TELO2: variants seen among roughly 807,000 people sequenced by gnomAD.
The protein encoded by TELO2 is telomere maintenance 2, also known as telomere length regulation protein TEL2 homolog.
TELO2 carries 71 observed loss-of-function variants against 91.0 expected under a neutral mutation model. The observed-to-expected ratio is 0.78, with a 90% CI of 0.64 to 0.95. TELO2 has a LOEUF of 0.95. Ranked by LOEUF, TELO2 falls within the 40% of genes least tolerant of loss-of-function variation. TELO2 has a pLI of 0.00. For missense variants in TELO2, 1,183 were observed against 1,141.3 expected, an observed-to-expected ratio of 1.04 and a Z score of -0.53; for synonymous variants, 584 against 518.9, an observed-to-expected ratio of 1.13 and a Z score of -1.71.
At chr16:1,507,207 CCT>C in intron 18 of TELO2, 97 bp from the exon 19 acceptor site, 1 of 1,528,174 alleles carries the variant, frequency 6.5e-7, no homozygotes, top group Non-Finnish European at 8.9e-7. Context: ...TCAGGCAGGC[CCT>C]GTCCCTGCTG....
intron 20 of TELO2, 67 bp from the exon 21 acceptor site, chr16:1,509,763 A>AAGAC: frequency 1.4e-6 from 2 of 1,456,460 alleles, no homozygotes; most frequent in East Asian, 4.9e-5. Flanking sequence ...AGGCAGACTG[A>AAGAC]AGACAGGAGG....
chr16:1,506,907 G>GCC (rs763556360), intron 17 of TELO2, 45 bp from the exon 18 acceptor site: 7 of 1,545,684 alleles, frequency 4.5e-6, no homozygotes, highest in Non-Finnish European at 6.1e-6. Flanking sequence ...TGGGGACCTG[G>GCC]CCCTGAGGCA....
At position 1,505,552 on chromosome 16, in the gene TELO2, G is replaced by C. The variant is rs753622364; in HGVS notation, c.1985G>C (p.Arg662Pro). ...GGCAGTGCCGTGGCGTCTGACTGGC[G>C]GGTGGTGGTGGAGGAGCGGATCAGA... Reference protein sequence around the residue: ...QPGSAVASDWRVVVEERIRSK... With the variant: ...QPGSAVASDWPVVVEERIRSK... Residue 662 changes from arginine (R) to proline (P), a missense_variant, in exon 16 of 21, where the codon CGG (arginine) becomes CCG (proline). Arg to Pro is a moderately radical substitution (Grantham distance 103). Coordinates refer to ENST00000262319, the MANE Select transcript of TELO2 (RefSeq NM_016111.4). The surrounding 1 kb of genome is among the most constrained non-coding windows in gnomAD (Gnocchi z 4.3). 1.2e-6 allele frequency: 2 copies of C among 1,612,774 alleles called. No homozygotes were observed. Among genetic ancestry groups the C allele is most frequent in the Non-Finnish European group, 1.7e-6 (2 of 1,179,964 alleles).
At position 1,510,228 on chromosome 16, in the gene TELO2, G is replaced by C. The variant is rs2040090029; in HGVS notation, c.*292G>C. 4.6e-6 allele frequency: 2 copies of C among 437,380 alleles called. No individual in the cohort carries two copies. Among genetic ancestry groups the C allele is most frequent in the Non-Finnish European group, 8.5e-6 (2 of 235,798 alleles). The allele number at this position is 437,380 out of a possible 1,614,324, so 27.1% of individuals were successfully genotyped here. The stretch of plus-strand genomic sequence containing the variant: ...CTTCCAGTGAGGGCAGAACCAGGCT[G>C]GCAGGAGGGGAGGACGGTGTACCTG... On this transcript the variant is annotated 3_prime_UTR_variant, in exon 21 of 21. Transcript: ENST00000262319.
rs2039852857 is a variant in TELO2 at position 1,505,389 on chromosome 16, C to T, written c.1843-21C>T. 1 of 1,602,046 alleles carries T rather than the reference C, an allele frequency of 6.2e-7. No homozygotes were observed. The highest frequency in any genetic ancestry group is 8.5e-7 in the Non-Finnish European group (1 of 1,171,700). On this transcript the variant is annotated intron_variant, in intron 15 of 20. Coordinates refer to ENST00000262319, the MANE Select transcript of TELO2 (RefSeq NM_016111.4). The surrounding 1 kb of genome is among the most constrained non-coding windows in gnomAD (Gnocchi z 4.3). ...TCTTCCCTGGAGCAGTGGCGACGGC[C>T]CTGGGCCTGTCTCCCTCCAGGTGCT...
At chr16:1,499,027 G>C (rs1361471223) in intron 5 of TELO2, among the ~76,000 whole-genome samples, 2 of 152,300 alleles carry the variant, frequency 1.3e-5, no homozygotes, top group East Asian at 1.9e-4. Flanking sequence ...CGGTGCACGC[G>C]CTCTCTGGGT....
At chr16:1,502,525 C>T (rs1025375689) in intron 13 of TELO2, 120 bp from the exon 14 acceptor site, 53 of 1,503,886 alleles carry the variant, frequency 3.5e-5, no homozygotes, top group African/African-American at 1.8e-4. Context: ...CTGCCTCTCC[C>T]GGGGGGCCTG....
rs2039455311 is a variant in TELO2 at position 1,495,579 on chromosome 16, A to G, written c.569A>G (p.Glu190Gly). The change falls in exon 3 of 21, where the codon GAG (glutamate) becomes GGG (glycine). Residue 190 changes from glutamate to glycine, a missense_variant. By Grantham distance (98) the Glu-to-Gly change is moderately conservative. Transcript: ENST00000262319. ...FPQNYFRLLG[E>G]EVVRVLQAVV... ...CAGAACTACTTCCGCCTGCTCGGCG[A>G]GGAGGTCGTCCGGGTGCTGCAGGCG... 2 of 1,609,222 alleles carry G rather than the reference A, an allele frequency of 1.2e-6. No individual in the cohort carries two copies. Among genetic ancestry groups the G allele is most frequent in the African/African-American group, 2.7e-5 (2 of 75,004 alleles).
chr16:1,500,807 G>A (rs2039653201), intron 9 of TELO2, 108 bp downstream of exon 9: 1 of 1,489,460 alleles, frequency 6.7e-7, no homozygotes, highest in Non-Finnish European at 9.0e-7. Flanking sequence ...CAGACTTGCG[G>A]AGCGTCCGTG....
chr16:1,502,632 C>G lies in TELO2; in HGVS notation c.1654-13C>G. 6.2e-7 allele frequency: 1 copy of G among 1,609,348 alleles called. No homozygotes were observed. Among genetic ancestry groups the G allele is most frequent in the Non-Finnish European group, 8.5e-7 (1 of 1,179,448 alleles). ...GGTCCGACAGGTTTCCCAGCCCTAA[C>G]CCCTGCGTGCAGGTGAGCGTGGAGC... On this transcript the variant is annotated splice_polypyrimidine_tract_variant and intron_variant, in intron 13 of 20. Transcript: ENST00000262319.
rs1483570910 is a variant in TELO2 at position 1,510,412 on chromosome 16, G to C, written c.*476G>C. On this transcript the variant is annotated 3_prime_UTR_variant, in exon 21 of 21. Transcript: ENST00000262319. ...CTGGATGGGCTCGTGGGGCGGGATG[G>C]GACAGGGCACGGGCTCTCAGAAAAT... 3 of 225,502 alleles carry C rather than the reference G, an allele frequency of 1.3e-5. No individual in the cohort carries two copies. The highest frequency in any genetic ancestry group is 7.0e-5 in the African/African-American group (3 of 42,682). 14.0% of individuals were successfully genotyped at this position (225,502 alleles called of 1,614,324 possible).
At chr16:1,499,571 G>A (rs1415774773) in intron 6 of TELO2, among the ~76,000 whole-genome samples, 2 of 121,472 alleles carry the variant, frequency 1.6e-5, no homozygotes, top group Non-Finnish European at 3.2e-5. Flanking sequence ...GAAGCCACCC[G>A]CCCTAGCTGC....
intron 5 of TELO2, among the ~76,000 whole-genome samples, chr16:1,499,026 C>A (rs911373204): frequency 6.6e-6 from 1 of 152,182 alleles, no homozygotes; most frequent in African/African-American, 2.4e-5. Flanking sequence ...GCGGTGCACG[C>A]GCTCTCTGGG....
Position 1,507,911 on chromosome 16 carries a change from G to GT in TELO2, c.2407+195_2407+196insT, listed in dbSNP as rs1555472928. 3.1e-4 allele frequency among the ~76,000 whole-genome samples: 40 copies of GT among 130,658 alleles called. 1 individual carries two copies. The highest frequency in any genetic ancestry group is 4.0e-3 in the Middle Eastern group (1 of 252). 85.7% of individuals were successfully genotyped at this position (130,658 alleles called of 152,430 possible). On this transcript the variant is annotated intron_variant, in intron 20 of 20. Coordinates refer to ENST00000262319, the MANE Select transcript of TELO2 (RefSeq NM_016111.4). ...GTGTGTGTGATGTGTGTCGGCCCGG[G>GT]GTGTGTGTGTGTGTGTGGGTGTGTG... is the stretch of plus-strand genomic sequence containing the variant.
In TELO2 at chr16:1,500,710, C is replaced by T. The variant is rs760849490; in HGVS notation, c.1281+11C>T. 12 of 1,611,526 alleles carry T rather than the reference C, an allele frequency of 7.4e-6. No individual in the cohort carries two copies. The highest frequency in any genetic ancestry group is 4.5e-5 in the East Asian group (2 of 44,882). Reference sequence around the variant, plus strand: ...CCCCTGAAATTCCAGGTGAGCGGGCCGTCCCCTCCGCGTCCCCGTGTGGCT... The same window carrying T: ...CCCCTGAAATTCCAGGTGAGCGGGCTGTCCCCTCCGCGTCCCCGTGTGGCT... On this transcript the variant is annotated intron_variant, in intron 9 of 20. Coordinates refer to ENST00000262319, the MANE Select transcript of TELO2 (RefSeq NM_016111.4).
intron 17 of TELO2, 90 bp downstream of exon 17, chr16:1,506,419 T>G: frequency 6.2e-7 from 1 of 1,607,056 alleles, no homozygotes; most frequent in South Asian, 1.1e-5. Context: ...GGGATCTGAG[T>G]GGGTTTGGGT....
chr16:1,503,453 G>C (rs1462210045), intron 15 of TELO2, among the ~76,000 whole-genome samples: 1 of 152,046 alleles, frequency 6.6e-6, no homozygotes, highest in East Asian at 1.9e-4. Flanking sequence ...CGGGAGGCTG[G>C]GGTGGGAGGA....
Position 1,494,444 on chromosome 16 carries a change from G to T in TELO2, c.163G>T (p.Ala55Ser), listed in dbSNP as rs769461559. The T allele has an allele frequency of 6.2e-7, 1 of 1,613,362 alleles. No homozygotes were observed. The highest frequency in any genetic ancestry group is 8.5e-7 in the Non-Finnish European group (1 of 1,180,020). Residue 55 changes from alanine to serine, a missense_variant, in exon 2 of 21, where the codon GCC becomes TCC. Transcript: ENST00000262319. This position sits in a 1 kb window ranked among gnomAD's most constrained non-coding sequence, Gnocchi z 5.6. ...GCTCCCGAGGGAGAAGGAGGAGTTT[G>T]CCTCGGCCCACTTCTCGCCTGTCCT... is the stretch of plus-strand genomic sequence containing the variant. Reference protein sequence around the residue: ...PALPREKEEFASAHFSPVLRC... With the variant: ...PALPREKEEFSSAHFSPVLRC...
intron 15 of TELO2, among the ~76,000 whole-genome samples, chr16:1,504,581 A>G (rs1308599551): frequency 5.7e-5 from 6 of 104,760 alleles, no homozygotes; most frequent in East Asian, 5.6e-4. Context: ...TTTTTGAGAC[A>G]GAGTCTCGCT....
Sources: allele counts gnomAD v4.1 joint callset (sites outside exome capture counted in the v4.1 genomes callset), GRCh38; gene constraint gnomAD v4.1.1; non-coding constraint Gnocchi (gnomAD v3.1); transcripts MANE v1.5; gene names NCBI Gene and HGNC (gene_info 2026-07-23, HGNC 2026-07-21).